The following ITGA8 variants were observed in gnomAD, a reference collection of about 807,000 sequenced individuals.
ITGA8 encodes the protein integrin alpha-8.
A neutral mutation model predicts 142.3 loss-of-function variants in ITGA8; 91 were observed. That is an observed-to-expected ratio of 0.64 (90% confidence interval 0.54 to 0.76). The LOEUF (loss-of-function observed/expected upper bound fraction) is 0.76, where lower values mean the gene tolerates loss of function less well. ITGA8 is among the 30% of genes least tolerant of loss of function. ITGA8 has a pLI of 0.00. For missense variants in ITGA8, 1,406 were observed against 1,327.7 expected (o/e 1.06, Z -0.92); for synonymous variants, 505 against 485.2 (o/e 1.04, Z -0.54).
At chr10:15,651,664 C>T (rs1452558061) in intron 11 of ITGA8, among the ~76,000 whole-genome samples, 1 of 151,928 alleles carries the variant, frequency 6.6e-6, no homozygotes, top group Admixed American at 6.6e-5. Context: ...ACTTAACTAT[C>T]TCCAGCTTGG....
chr10:15,635,003 CTTTTTT>C (rs915334219), intron 13 of ITGA8, among the ~76,000 whole-genome samples: 2 of 107,232 alleles, frequency 1.9e-5, no homozygotes, highest in Admixed American at 9.3e-5. Flanking sequence ...TTCTTTCTTT[CTTTTTT>C]TTTTTTTTTT....
At chr10:15,555,441 A>C (rs1471757207) in intron 26 of ITGA8, among the ~76,000 whole-genome samples, 1 of 152,294 alleles carries the variant, frequency 6.6e-6, no homozygotes, top group Middle Eastern at 3.4e-3. Context: ...AAAACATGCC[A>C]CCTACCCTAA....
intron 29 of ITGA8, among the ~76,000 whole-genome samples, chr10:15,518,811 T>C (rs1030689334): frequency 3.3e-5 from 5 of 152,346 alleles, no homozygotes; most frequent in Middle Eastern, 3.4e-3. Flanking sequence ...ATGCATAATC[T>C]ATTTGGCCTC....
chr10:15,637,453 C>G (rs1449327897), intron 13 of ITGA8, among the ~76,000 whole-genome samples: 2 of 151,814 alleles, frequency 1.3e-5, no homozygotes, highest in African/African-American at 4.8e-5. Flanking sequence ...CAATGGGAAT[C>G]TGAACTCAGG....
At position 15,532,432 on chromosome 10, in the gene ITGA8, A is replaced by AAAAAAAAG. The variant is rs1554769482; in HGVS notation, c.2881-1282_2881-1281insCTTTTTTT. Among the ~76,000 whole-genome samples the AAAAAAAAG allele has an allele frequency of 2.8e-4, 39 of 141,668 alleles. 1 individual carries two copies. The highest frequency in any genetic ancestry group is 1.3e-3 in the Admixed American group (19 of 14,486). 92.9% of individuals were successfully genotyped at this position (141,668 alleles called of 152,430 possible). ...AGACTCCCTCTCAAAAAAAAAAAAA[A>AAAAAAAAG]AAAAAAAAAAAAAAGCCTCTAGTTA... On this transcript the variant is annotated intron_variant, in intron 27 of 29. Coordinates refer to ENST00000378076, the MANE Select transcript of ITGA8 (RefSeq NM_003638.3).
intron 25 of ITGA8, among the ~76,000 whole-genome samples, chr10:15,570,681 T>C (rs1834164519): frequency 6.6e-6 from 1 of 150,594 alleles, no homozygotes; most frequent in Non-Finnish European, 1.5e-5. Flanking sequence ...GTATATACTA[T>C]GGCTTGGTTT....
chr10:15,647,017 TAAAG>T lies in ITGA8; in HGVS notation c.1032_1035del (p.Phe345TrpfsTer12). 6.2e-7 allele frequency: 1 copy of T among 1,613,722 alleles called. No homozygotes were observed. Among genetic ancestry groups the T allele is most frequent in the Non-Finnish European group, 8.5e-7 (1 of 1,180,010 alleles). On this transcript the variant is annotated frameshift_variant, in exon 12 of 30. Coordinates refer to ENST00000378076, the MANE Select transcript of ITGA8 (RefSeq NM_003638.3). LOFTEE classifies it high-confidence loss of function. ...GGGTTGCTCTCAAATTCACGTTCCA[TAAAG>T]AGAGGTGCCCCAACCAGGACATCAT...
At position 15,709,738 on chromosome 10, in the gene ITGA8, G is replaced by A. The variant is rs148365606; in HGVS notation, c.343+9028C>T. ...CTCAGACACACTCAAAAGCTATTCCGCACACAAACAGCTCTTGAAACTGCC... is the reference window on the plus strand; with the variant it reads ...CTCAGACACACTCAAAAGCTATTCCACACACAAACAGCTCTTGAAACTGCC... On this transcript the variant is annotated intron_variant, in intron 2 of 29. Transcript: ENST00000378076. Among the ~76,000 whole-genome samples, 5 of 152,194 alleles carry A rather than the reference G, an allele frequency of 3.3e-5. No homozygotes were observed. The East Asian group carries it at 5.8e-4, about 18-fold the overall frequency.
chr10:15,544,304 A>C (rs1226445554), intron 27 of ITGA8, among the ~76,000 whole-genome samples: 3 of 152,016 alleles, frequency 2.0e-5, no homozygotes, highest in Admixed American at 6.5e-5. Flanking sequence ...TCTCTACCAA[A>C]AAAAAACAAA....
At chr10:15,580,790 G>C (rs972748119) in intron 23 of ITGA8, among the ~76,000 whole-genome samples, 2 of 152,038 alleles carry the variant, frequency 1.3e-5, no homozygotes, top group Non-Finnish European at 2.9e-5. Flanking sequence ...CTTGATAAAG[G>C]GTGTCCACAA....
chr10:15,569,192 G>A (rs549359131), intron 25 of ITGA8, among the ~76,000 whole-genome samples: 3 of 152,158 alleles, frequency 2.0e-5, no homozygotes, highest in Non-Finnish European at 4.4e-5. Context: ...TCAATGGAAT[G>A]ATTAAAGAGG....
chr10:15,526,954 T>C (rs921026024), intron 28 of ITGA8, among the ~76,000 whole-genome samples: 1 of 152,194 alleles, frequency 6.6e-6, no homozygotes, highest in African/African-American at 2.4e-5. Flanking sequence ...TGTTTTTGTA[T>C]ATTTTCACAA....
chr10:15,611,814 A>AC (rs959334846), intron 15 of ITGA8, among the ~76,000 whole-genome samples: 4 of 151,742 alleles, frequency 2.6e-5, no homozygotes, highest in African/African-American at 9.7e-5. Flanking sequence ...AAAAAAAAAA[A>AC]AAAAAACCAC....
intron 20 of ITGA8, among the ~76,000 whole-genome samples, chr10:15,602,341 T>C (rs1377817561): frequency 6.6e-6 from 1 of 152,216 alleles, no homozygotes; most frequent in East Asian, 1.9e-4. Flanking sequence ...AAAGTGGTTA[T>C]TAAACACCAT....
chr10:15,614,303 A>G (rs1015021355), intron 14 of ITGA8, among the ~76,000 whole-genome samples: 1 of 152,228 alleles, frequency 6.6e-6, no homozygotes, highest in African/African-American at 2.4e-5. Context: ...TACACGAAGC[A>G]GGGTTTGCAG....
At position 15,622,601 on chromosome 10, in the gene ITGA8, AC is replaced by A. The variant is rs1450495758; in HGVS notation, c.1400-6043del. On this transcript the variant is annotated intron_variant, in intron 13 of 29. Coordinates refer to ENST00000378076, the MANE Select transcript of ITGA8 (RefSeq NM_003638.3). ...ACAAAACAAAACAAAACAAAACAAA[AC>A]AAAAAAAAAACCACATGAGCAAGGC... is the stretch of plus-strand genomic sequence containing the variant. Among the ~76,000 whole-genome samples the A allele has an allele frequency of 1.3e-3, 20 of 15,688 alleles. No individual in the cohort carries two copies. In the Admixed American group the frequency reaches 0.014, roughly 11 times the overall value. The allele number at this position is 15,688 out of a possible 152,430, so 10.3% of individuals were successfully genotyped here. A position where few individuals can be genotyped will look rare whatever the true frequency, so the allele number is the denominator to read the frequency against.
At chr10:15,712,554 T>C (rs1459944775) in intron 2 of ITGA8, among the ~76,000 whole-genome samples, 2 of 152,152 alleles carry the variant, frequency 1.3e-5, no homozygotes, top group Non-Finnish European at 2.9e-5. Flanking sequence ...TTAGCTGAGA[T>C]TGTGCCACTG....
At chr10:15,652,753 G>A (rs192490199) in intron 11 of ITGA8, among the ~76,000 whole-genome samples, 29 of 152,300 alleles carry the variant, frequency 1.9e-4, no homozygotes, top group Admixed American at 1.8e-3. Context: ...AATACATGCA[G>A]AGAGCAAGCA....
chr10:15,671,658 G>A lies in ITGA8; in HGVS notation c.803-11C>T. 6.2e-7 allele frequency: 1 copy of A among 1,603,834 alleles called. No individual in the cohort carries two copies. Among genetic ancestry groups the A allele is most frequent in the East Asian group, 2.2e-5 (1 of 44,754 alleles). On this transcript the variant is annotated splice_polypyrimidine_tract_variant and intron_variant, in intron 7 of 29. Coordinates refer to ENST00000378076, the MANE Select transcript of ITGA8 (RefSeq NM_003638.3). ...CAGCAACTGAGTATCCTGTTTTAAA[G>A]AAAAAGAAACAAACTAATCACACTT...
Sources: allele counts gnomAD v4.1 joint callset (sites outside exome capture counted in the v4.1 genomes callset), GRCh38; gene constraint gnomAD v4.1.1; transcripts MANE v1.5; gene names NCBI Gene and HGNC (gene_info 2026-07-23, HGNC 2026-07-21).